IRAG2: variants seen among roughly 807,000 people sequenced by gnomAD.
IRAG2 encodes inositol 1,4,5-triphosphate receptor associated 2, also known as lymphoid restricted membrane protein.
A neutral mutation model predicts 69.9 loss-of-function variants in IRAG2; 45 were observed. The observed-to-expected ratio is 0.64, with a 90% CI of 0.51 to 0.83. The LOEUF (loss-of-function observed/expected upper bound fraction) is 0.83. Ranked by LOEUF, IRAG2 falls within the 40% of genes least tolerant of loss-of-function variation. The pLI is 0.00. For synonymous variants in IRAG2, 193 were observed against 202.4 expected, an observed-to-expected ratio of 0.95 and a Z score of 0.40; for missense variants, 520 against 587.0, an observed-to-expected ratio of 0.89 and a Z score of 1.18.
intron 16 of IRAG2, among the ~76,000 whole-genome samples, chr12:25,046,566 G>T (rs1320531529): frequency 6.6e-6 from 1 of 151,874 alleles, no homozygotes. Flanking sequence ...ATCTGAAAAA[G>T]AAATTAACAA....
chr12:25,035,901 C>T (rs1172397889), intron 14 of IRAG2: 2 of 397,000 alleles, frequency 5.0e-6, no homozygotes, highest in East Asian at 7.1e-5. Context: ...TGCTGAGACC[C>T]AAATTAATAC....
upstream of IRAG2, among the ~76,000 whole-genome samples, chr12:25,002,795 C>T (rs1944402008): frequency 6.6e-6 from 1 of 152,120 alleles, no homozygotes; most frequent in African/African-American, 2.4e-5. Flanking sequence ...TCGCCTGCCA[C>T]CATGCCCAGC....
At chr12:25,064,746 C>T (rs1428188258) in intron 4 of IRAG2, among the ~76,000 whole-genome samples, 2 of 152,132 alleles carry the variant, frequency 1.3e-5, no homozygotes, top group African/African-American at 4.8e-5. Flanking sequence ...TTAGAGATTA[C>T]TTGCAATAAC....
Position 25,089,951 on chromosome 12 carries a change from T to C in IRAG2, c.466-106T>C, listed in dbSNP as rs183588951. 5.1e-5 allele frequency: 68 copies of C among 1,345,518 alleles called. No individual in the cohort carries two copies. The East Asian group carries it at 1.5e-3, about 30-fold the overall frequency. 83.3% of individuals were successfully genotyped at this position (1,345,518 alleles called of 1,614,324 possible). A position where few individuals can be genotyped will look rare whatever the true frequency, so the allele number is the denominator to read the frequency against. ...CCTGTGCATGTCAGCATTATGTTGC[T>C]GGGGGGAGAAAGAAATGCCTCAGTA... On this transcript the variant is annotated intron_variant, in intron 13 of 21. Coordinates refer to ENST00000556887, the MANE Select transcript of IRAG2 (RefSeq NM_001366544.2).
At chr12:25,008,400 G>C (rs1732190847) in intron 2 of IRAG2, among the ~76,000 whole-genome samples, 1 of 152,078 alleles carries the variant, frequency 6.6e-6, no homozygotes, top group Non-Finnish European at 1.5e-5. Flanking sequence ...CCAGGAGTTT[G>C]AGACTACCCT....
chr12:25,013,926 G>A (rs1390276596), intron 3 of IRAG2, among the ~76,000 whole-genome samples: 1 of 129,630 alleles, frequency 7.7e-6, no homozygotes, highest in Non-Finnish European at 1.6e-5. Context: ...CCAGGCTGGA[G>A]TGCAGTGGCG....
intron 16 of IRAG2, among the ~76,000 whole-genome samples, chr12:25,046,890 A>G (rs1010800198): frequency 1.3e-5 from 2 of 152,228 alleles, no homozygotes; most frequent in Non-Finnish European, 2.9e-5. Flanking sequence ...AGAAGAAAGA[A>G]CAAAGATGGA....
intron 9 of IRAG2, among the ~76,000 whole-genome samples, chr12:25,028,339 G>T (rs1944640970): frequency 6.6e-6 from 1 of 152,140 alleles, no homozygotes; most frequent in Non-Finnish European, 1.5e-5. Flanking sequence ...TTCTTGCCCA[G>T]ATTTGTTATC....
intron 15 of IRAG2, among the ~76,000 whole-genome samples, chr12:25,037,641 T>G (rs902169205): frequency 3.3e-5 from 5 of 152,226 alleles, no homozygotes. Flanking sequence ...ATTATTGCAT[T>G]ATCTTGTCCC....
chr12:25,079,750 G>A lies in IRAG2; in HGVS notation c.231G>A (p.Thr77=), dbSNP rs565921441. 32 of 1,612,040 alleles carry A rather than the reference G, an allele frequency of 2.0e-5. No individual in the cohort carries two copies. The highest frequency in any genetic ancestry group is 1.5e-4 in the African/African-American group (11 of 74,992). ...AGGATACAAGATCAGCTTCTCCCAC[G>A]ATAGAGGCCCAAGGTAAAATGTTGA... is the stretch of plus-strand genomic sequence containing the variant. ...KEEDTRSASP[T]IEAQGTSPAH... is the part of the protein sequence containing the mutation. Residue 77 remains threonine (T), a synonymous_variant, in exon 9 of 22, where the codon ACG becomes ACA. Coordinates refer to ENST00000556887, the MANE Select transcript of IRAG2 (RefSeq NM_001366544.2).
upstream of IRAG2, among the ~76,000 whole-genome samples, chr12:25,049,976 G>A: frequency 1.7e-5 from 1 of 59,652 alleles, no homozygotes; most frequent in Non-Finnish European, 3.0e-5. Flanking sequence ...CAGCGAAACT[G>A]TGTCTCAAAA....
chr12:25,095,020 G>T (rs913070960), intron 14 of IRAG2, among the ~76,000 whole-genome samples: 2 of 152,064 alleles, frequency 1.3e-5, no homozygotes, highest in African/African-American at 4.8e-5. Context: ...TCTACAAACA[G>T]AAATGATTTG....
At chr12:25,075,082 T>C (rs574583689) in intron 6 of IRAG2, among the ~76,000 whole-genome samples, 4 of 152,302 alleles carry the variant, frequency 2.6e-5, no homozygotes, top group Admixed American at 6.5e-5. Flanking sequence ...TCTGAGGGTG[T>C]GGTATACCTT....
chr12:25,005,900 T>A (rs946387216), intron 2 of IRAG2, among the ~76,000 whole-genome samples: 1 of 152,094 alleles, frequency 6.6e-6, no homozygotes, highest in South Asian at 2.1e-4. Flanking sequence ...GGGACCTAAT[T>A]AACCTCTGCA....
chr12:25,089,704 A>C (rs1437792268), intron 12 of IRAG2, 27 bp downstream of exon 12: 1 of 1,608,522 alleles, frequency 6.2e-7, no homozygotes, highest in South Asian at 1.1e-5. Flanking sequence ...GTAGCATGTT[A>C]ACATGTTTTA....
chr12:25,078,991 C>T (rs1947016493), intron 6 of IRAG2, among the ~76,000 whole-genome samples: 1 of 152,046 alleles, frequency 6.6e-6, no homozygotes, highest in Admixed American at 6.5e-5. Flanking sequence ...TTTGTTTTGC[C>T]CAAAATTTTT....
chr12:25,069,962 A>G (rs964496683), intron 6 of IRAG2, among the ~76,000 whole-genome samples: 12 of 152,310 alleles, frequency 7.9e-5, no homozygotes, highest in African/African-American at 2.9e-4. Context: ...AAGGTCACTT[A>G]GGTCACTGTC....
the IRAG2 span, among the ~76,000 whole-genome samples, chr12:24,998,799 T>A: frequency 2.0e-5 from 3 of 152,194 alleles, no homozygotes; most frequent in Non-Finnish European, 2.9e-5. Flanking sequence ...TGAATGATTT[T>A]AAAAATCAGC....
In IRAG2 at chr12:25,089,784, G is replaced by A. The variant is rs746154671; in HGVS notation, c.459G>A (p.Glu153=). ...QSENTSANEK[E]VEAEFLRLSL... is the part of the protein sequence containing the mutation. ...ACAGCACTTCTGCTAATGAGAAGGA[G>A]GTGGAGGTGAGTTTAAAGCAAATTT... Residue 153 remains glutamate, a synonymous_variant, in exon 13 of 22, where the codon GAG becomes GAA. Transcript: ENST00000556887. 6.2e-7 allele frequency: 1 copy of A among 1,613,172 alleles called. No individual in the cohort carries two copies. The highest frequency in any genetic ancestry group is 1.1e-5 in the South Asian group (1 of 91,018).
Sources: allele counts gnomAD v4.1 joint callset (sites outside exome capture counted in the v4.1 genomes callset), GRCh38; gene constraint gnomAD v4.1.1; transcripts MANE v1.5; gene names NCBI Gene and HGNC (gene_info 2026-07-23, HGNC 2026-07-21).